ADAMTS17: variants seen among roughly 807,000 people sequenced by gnomAD.
ADAMTS17 encodes ADAM metallopeptidase with thrombospondin type 1 motif 17.
Under a neutral mutation model 141.5 loss-of-function variants are expected in ADAMTS17, and 113 were observed. The ratio of observed to expected loss-of-function variants is 0.80; its 90% confidence interval spans 0.69 to 0.93. The LOEUF (loss-of-function observed/expected upper bound fraction) is 0.93. Among genes scored for constraint, ADAMTS17 ranks in the 40% least tolerant of loss-of-function variants. The probability of loss-of-function intolerance (pLI) is 0.00; values close to 1 mark genes in which losing one functional copy is unlikely to be tolerated. For synonymous variants in ADAMTS17, 768 were observed against 630.6 expected, an observed-to-expected ratio of 1.22 and a Z score of -3.27; for missense variants, 1,659 against 1,517.9, an observed-to-expected ratio of 1.09 and a Z score of -1.54.
At chr15:100,041,487 CT>C (rs1377450434) in intron 18 of ADAMTS17, among the ~76,000 whole-genome samples, 1 of 152,204 alleles carries the variant, frequency 6.6e-6, no homozygotes, top group Non-Finnish European at 1.5e-5. Flanking sequence ...CCACCTGAGG[CT>C]GGGTCTCAAG....
In ADAMTS17 at chr15:100,183,400, C is replaced by T. The variant is rs556461376; in HGVS notation, c.1181+15918G>A. ...AGTGAATTATATTCATCTAAGTTCA[C>T]GGATTTTATTCCGTCATCTCCACTC... On this transcript the variant is annotated intron_variant, in intron 8 of 21. Transcript: ENST00000268070. 1.1e-4 allele frequency among the ~76,000 whole-genome samples: 17 copies of T among 152,260 alleles called. No homozygotes were observed. In the East Asian group the frequency reaches 2.9e-3, roughly 26 times the overall value.
intron 18 of ADAMTS17, among the ~76,000 whole-genome samples, chr15:100,016,992 CA>C (rs1431602907): frequency 6.6e-6 from 1 of 152,088 alleles, no homozygotes; most frequent in Non-Finnish European, 1.5e-5. Flanking sequence ...CAAGTGTGGG[CA>C]GGGGTGGACG....
chr15:99,986,709 C>T (rs2060594044), intron 20 of ADAMTS17, among the ~76,000 whole-genome samples: 1 of 152,208 alleles, frequency 6.6e-6, no homozygotes, highest in Non-Finnish European at 1.5e-5. Context: ...AACATCCCAT[C>T]ATTTCAGTGG....
chr15:100,098,768 T>C (rs1241179008), intron 14 of ADAMTS17, among the ~76,000 whole-genome samples: 1 of 152,166 alleles, frequency 6.6e-6, no homozygotes, highest in African/African-American at 2.4e-5. Context: ...TGAGACCACG[T>C]GTCTGTTGCT....
At chr15:100,261,346 G>T in intron 6 of ADAMTS17, 133 bp downstream of exon 6, 1 of 1,257,546 alleles carries the variant, frequency 8.0e-7, no homozygotes, top group Non-Finnish European at 1.1e-6. Context: ...TACTAATGAG[G>T]AAACCAAAAC....
chr15:100,046,839 A>C (rs974086042), intron 18 of ADAMTS17, among the ~76,000 whole-genome samples: 1 of 152,194 alleles, frequency 6.6e-6, no homozygotes, highest in South Asian at 2.1e-4. Flanking sequence ...TTGTTTGTAG[A>C]GCATGTGTGT....
chr15:100,269,407 G>GT (rs1472936594), intron 4 of ADAMTS17, among the ~76,000 whole-genome samples: 1 of 152,188 alleles, frequency 6.6e-6, no homozygotes, highest in East Asian at 1.9e-4. Flanking sequence ...AGCCTCTGTG[G>GT]TAACTAGACA....
At chr15:100,026,708 T>C (rs2141469052) in intron 18 of ADAMTS17, among the ~76,000 whole-genome samples, 1 of 152,338 alleles carries the variant, frequency 6.6e-6, no homozygotes, top group East Asian at 1.9e-4. Flanking sequence ...ATGGCTTCTG[T>C]TTTTAAGTCC....
At chr15:100,264,833 G>C (rs998274947) in intron 4 of ADAMTS17, among the ~76,000 whole-genome samples, 2 of 152,128 alleles carry the variant, frequency 1.3e-5, no homozygotes, top group African/African-American at 4.8e-5. Context: ...AAATGGGAAG[G>C]TGTTTAATGG....
Position 100,070,109 on chromosome 15 carries a change from A to T in ADAMTS17, c.2138-16055T>A, listed in dbSNP as rs1215416998. Among the ~76,000 whole-genome samples, 6 of 150,380 alleles carry T rather than the reference A, an allele frequency of 4.0e-5. 1 individual carries two copies. In the Admixed American group the frequency reaches 4.0e-4, roughly 10 times the overall value. On this transcript the variant is annotated intron_variant, in intron 15 of 21. Transcript: ENST00000268070. ...GGTTGCAATCCTAGTCTGATAAAAC[A>T]GACTTTAATCCAACAAAGATCAAAA...
chr15:100,058,248 T>TCCTATCCCAGCTCTTAACACC (rs2032789140), intron 15 of ADAMTS17, among the ~76,000 whole-genome samples: 1 of 7,304 alleles, frequency 1.4e-4, no homozygotes, highest in African/African-American at 7.2e-4. Context: ...GCTCTGACCC[T>TCCTATCCCAGCTCTTAACACC]CCTATCCCGG....
At chr15:100,121,337 C>G (rs2141175682) in intron 12 of ADAMTS17, among the ~76,000 whole-genome samples, 1 of 152,270 alleles carries the variant, frequency 6.6e-6, no homozygotes, top group East Asian at 1.9e-4. Flanking sequence ...AGATGTGACT[C>G]TATAAATCCA....
chr15:100,128,609 C>A (rs1001070186), intron 12 of ADAMTS17: 6 of 152,120 alleles, frequency 3.9e-5, no homozygotes, highest in African/African-American at 1.4e-4. Flanking sequence ...AGAGGGAGGA[C>A]CTGATGAAGA....
intron 18 of ADAMTS17, among the ~76,000 whole-genome samples, chr15:100,010,240 T>C (rs1171472327): frequency 6.6e-6 from 1 of 152,198 alleles, no homozygotes; most frequent in African/African-American, 2.4e-5. Flanking sequence ...ATGTCTTTAT[T>C]AGCAGCATGA....
At chr15:100,147,581 G>A (rs2038969039) in intron 10 of ADAMTS17, among the ~76,000 whole-genome samples, 1 of 152,148 alleles carries the variant, frequency 6.6e-6, no homozygotes, top group South Asian at 2.1e-4. Context: ...GGTATAAAAG[G>A]TTAAAAATGG....
chr15:100,018,336 TAAG>T (rs1195368280), intron 18 of ADAMTS17, among the ~76,000 whole-genome samples: 1 of 152,196 alleles, frequency 6.6e-6, no homozygotes, highest in East Asian at 1.9e-4. Context: ...AAAAATCACT[TAAG>T]AAGAAATATA....
intron 4 of ADAMTS17, among the ~76,000 whole-genome samples, chr15:100,277,408 A>G (rs1480353279): frequency 6.6e-6 from 1 of 152,142 alleles, no homozygotes; most frequent in Non-Finnish European, 1.5e-5. Context: ...CTGGGATCAA[A>G]CAGCCACCCC....
chr15:100,132,041 C>T lies in ADAMTS17; in HGVS notation c.1687G>A (p.Ala563Thr). The T allele has an allele frequency of 6.2e-7, 1 of 1,613,966 alleles. No individual in the cohort carries two copies. The highest frequency in any genetic ancestry group is 8.5e-7 in the Non-Finnish European group (1 of 1,179,826). ...TCACATTTCCTCTGCCTGAAGCGGG[C>T]TCCCGTCCCACATGTTCGGCTGCAC... ...SMCSRTCGTG[A>T]RFRQRKCDNP... The change falls in exon 12 of 22, where the codon GCC becomes ACC. Residue 563 changes from alanine (A) to threonine (T), a missense_variant. Coordinates refer to ENST00000268070, the MANE Select transcript of ADAMTS17 (RefSeq NM_139057.4).
rs147206722 is a variant in ADAMTS17, at chr15:100,254,745, C to T, written c.1032-566G>A. On this transcript the variant is annotated intron_variant, in intron 6 of 21. Coordinates refer to ENST00000268070, the MANE Select transcript of ADAMTS17 (RefSeq NM_139057.4). The stretch of plus-strand genomic sequence containing the variant: ...TATCCTCAGAAAACTAATGCAGAAA[C>T]AGAAAAGCAAACACCACATGTCCTC... Among the ~76,000 whole-genome samples, 758 of 152,264 alleles carry T rather than the reference C, an allele frequency of 5.0e-3. 6 individuals are homozygous for T. Among genetic ancestry groups the T allele is most frequent in the African/African-American group, 0.017 (722 of 41,528 alleles).
Sources: allele counts gnomAD v4.1 joint callset (sites outside exome capture counted in the v4.1 genomes callset), GRCh38; gene constraint gnomAD v4.1.1; transcripts MANE v1.5; gene names NCBI Gene and HGNC (gene_info 2026-07-23, HGNC 2026-07-21).